USP3: variants seen among roughly 807,000 people sequenced by gnomAD.
USP3 encodes the protein ubiquitin carboxyl-terminal hydrolase 3.
Under a neutral mutation model 72.3 loss-of-function variants are expected in USP3, and 20 were observed. The observed-to-expected ratio is 0.28, with a 90% confidence interval of 0.19 to 0.40. The LOEUF (loss-of-function observed/expected upper bound fraction) is 0.40. USP3 is among the 10% of genes least tolerant of loss of function. The pLI is 1.00. For missense variants in USP3, 479 were observed against 633.9 expected, an observed-to-expected ratio of 0.76 and a Z score of 2.62; for synonymous variants, 222 against 225.3, an observed-to-expected ratio of 0.99 and a Z score of 0.13.
intron 9 of USP3, among the ~76,000 whole-genome samples, chr15:63,573,449 T>G (rs1384485456): frequency 6.6e-6 from 1 of 152,222 alleles, no homozygotes; most frequent in Non-Finnish European, 1.5e-5. Flanking sequence ...TTTGCAATAT[T>G]AAGTGAGCTT....
chr15:63,578,618 A>AAG (rs2066905149), intron 11 of USP3, among the ~76,000 whole-genome samples: 1 of 150,922 alleles, frequency 6.6e-6, no homozygotes, highest in African/African-American at 2.4e-5. Flanking sequence ...TCTCAGAAAA[A>AAG]AAAAAAAAAA....
chr15:63,545,982 A>AAC (rs1211971488), intron 3 of USP3, among the ~76,000 whole-genome samples: 6 of 151,148 alleles, frequency 4.0e-5, no homozygotes, highest in Non-Finnish European at 8.9e-5. Context: ...AAAAAAAAAA[A>AAC]AAAAAAAAAA....
At chr15:63,578,375 C>T (rs548672987) in intron 11 of USP3, among the ~76,000 whole-genome samples, 2 of 151,588 alleles carry the variant, frequency 1.3e-5, no homozygotes, top group African/African-American at 2.4e-5. Flanking sequence ...GAGGCCGAGG[C>T]GGGTGGATCA....
At position 63,592,994 on chromosome 15, in the gene USP3, A is replaced by G. The variant is rs2067232616; in HGVS notation, c.*2168A>G. On this transcript the variant is annotated 3_prime_UTR_variant, in exon 15 of 15. Transcript: ENST00000380324. ...TGGCCCCTAGCCACATGTGACTGAA[A>G]TTTAAATTAGAAACTCAGTGCCTTC... The G allele has an allele frequency of 1.3e-5, 2 of 152,170 alleles. No individual in the cohort carries two copies. The highest frequency in any genetic ancestry group is 1.3e-4 in the Admixed American group (2 of 15,286). 9.4% of individuals were successfully genotyped at this position (152,170 alleles called of 1,614,324 possible).
Position 63,553,889 on chromosome 15 carries a change from T to A in USP3, c.368+91T>A. 1.1e-6 allele frequency: 1 copy of A among 929,764 alleles called. No individual in the cohort carries two copies. Among genetic ancestry groups the A allele is most frequent in the Non-Finnish European group, 1.6e-6 (1 of 618,668 alleles). The allele number at this position is 929,764 out of a possible 1,614,324, so 57.6% of individuals were successfully genotyped here. On this transcript the variant is annotated intron_variant, in intron 4 of 14. Coordinates refer to ENST00000380324, the MANE Select transcript of USP3 (RefSeq NM_006537.4). This position sits in a 1 kb window ranked among gnomAD's most constrained non-coding sequence, Gnocchi z 4.2. ...TGAGTGGGGTTTTTGTTGATGAGTT[T>A]AATAACTTCATGTTTATAATATGAT...
intron 1 of USP3, among the ~76,000 whole-genome samples, chr15:63,519,893 T>C (rs937492981): frequency 1.3e-5 from 2 of 152,188 alleles, no homozygotes; most frequent in African/African-American, 4.8e-5. Context: ...CTCATCATTA[T>C]TTATTTTGAG....
chr15:63,552,686 T>A (rs2152669476), intron 3 of USP3, among the ~76,000 whole-genome samples: 1 of 152,268 alleles, frequency 6.6e-6, no homozygotes, highest in Admixed American at 6.5e-5. Flanking sequence ...ACAAGCATGC[T>A]TTTTTGTGTA....
intron 4 of USP3, among the ~76,000 whole-genome samples, chr15:63,554,497 G>A (rs2066480174): frequency 6.6e-6 from 1 of 152,162 alleles, no homozygotes; most frequent in South Asian, 2.1e-4. Flanking sequence ...GCATGGCTCT[G>A]GAATGACTGC....
chr15:63,573,715 G>C (rs2066816560), intron 9 of USP3, among the ~76,000 whole-genome samples: 1 of 152,152 alleles, frequency 6.6e-6, no homozygotes, highest in Non-Finnish European at 1.5e-5. Context: ...CCTAACTTGG[G>C]GAGGAAATGG....
At chr15:63,537,872 A>G (rs1266692019) in intron 3 of USP3, among the ~76,000 whole-genome samples, 2 of 151,996 alleles carry the variant, frequency 1.3e-5, no homozygotes, top group Non-Finnish European at 1.5e-5. Flanking sequence ...TTTAGTAGAG[A>G]CGGAGTTTCA....
At chr15:63,522,323 T>G (rs2065931104) in intron 1 of USP3, among the ~76,000 whole-genome samples, 1 of 152,224 alleles carries the variant, frequency 6.6e-6, no homozygotes, top group Admixed American at 6.5e-5. Context: ...GGATTACATA[T>G]GTGTTGAAAT....
chr15:63,531,141 G>A (rs1301779346), intron 1 of USP3, among the ~76,000 whole-genome samples: 1 of 152,188 alleles, frequency 6.6e-6, no homozygotes, highest in African/African-American at 2.4e-5. Flanking sequence ...AAACTGTAGA[G>A]TCCCTCAGGC....
At chr15:63,522,471 A>G (rs1486592012) in intron 1 of USP3, among the ~76,000 whole-genome samples, 1 of 152,234 alleles carries the variant, frequency 6.6e-6, no homozygotes, top group Admixed American at 6.5e-5. Context: ...TTGGGAAAGT[A>G]GGCTAAAGCA....
At position 63,590,974 on chromosome 15, in the gene USP3, A is replaced by G; in HGVS notation, c.*148A>G. The G allele has an allele frequency of 1.1e-6, 1 of 935,460 alleles. No individual in the cohort carries two copies. The highest frequency in any genetic ancestry group is 1.5e-6 in the Non-Finnish European group (1 of 686,552). The allele number at this position is 935,460 out of a possible 1,614,324, so 57.9% of individuals were successfully genotyped here. ...TGTCAATGGTAGTGACTTACTGAAC[A>G]TGGGCACCAACTAATTTTGTTGTTG... On this transcript the variant is annotated 3_prime_UTR_variant, in exon 15 of 15. Transcript: ENST00000380324.
intron 1 of USP3, among the ~76,000 whole-genome samples, chr15:63,515,847 C>A (rs984466322): frequency 2.6e-5 from 4 of 152,186 alleles, no homozygotes; most frequent in African/African-American, 9.7e-5. Flanking sequence ...GTCTTCCTCG[C>A]CTCCACTCTC....
chr15:63,558,866 C>A (rs2152672247), intron 6 of USP3, among the ~76,000 whole-genome samples: 1 of 152,116 alleles, frequency 6.6e-6, no homozygotes, highest in South Asian at 2.1e-4. Context: ...CAAAGCGAGA[C>A]CCTGTCTCAA....
intron 11 of USP3, among the ~76,000 whole-genome samples, chr15:63,578,767 C>G (rs149355523): frequency 6.6e-6 from 1 of 152,054 alleles, no homozygotes; most frequent in East Asian, 1.9e-4. Context: ...AAATATTGCT[C>G]AGATGTCTTC....
Position 63,544,781 on chromosome 15 carries a change from G to A in USP3, c.284+7625G>A, listed in dbSNP as rs1234037853. On this transcript the variant is annotated intron_variant, in intron 3 of 14. Coordinates refer to ENST00000380324, the MANE Select transcript of USP3 (RefSeq NM_006537.4). This position sits in a 1 kb window ranked among gnomAD's most constrained non-coding sequence, Gnocchi z 4.2. ...AAAGCTTAACTCTAAAACTAGAGCA[G>A]GTAACACTGAAGTGAAAGGGAAGAT... 1.4e-6 allele frequency: 1 copy of A among 698,756 alleles called. No individual in the cohort carries two copies. The highest frequency in any genetic ancestry group is 2.7e-5 in the East Asian group (1 of 37,080). 43.3% of individuals were successfully genotyped at this position (698,756 alleles called of 1,614,324 possible).
intron 1 of USP3, among the ~76,000 whole-genome samples, chr15:63,510,940 C>T (rs1443414780): frequency 6.6e-6 from 1 of 152,028 alleles, no homozygotes; most frequent in Non-Finnish European, 1.5e-5. Flanking sequence ...GTTGAATGAA[C>T]TTTGGCTTAG....
Sources: allele counts gnomAD v4.1 joint callset (sites outside exome capture counted in the v4.1 genomes callset), GRCh38; gene constraint gnomAD v4.1.1; non-coding constraint Gnocchi (gnomAD v3.1); transcripts MANE v1.5; gene names NCBI Gene and HGNC (gene_info 2026-07-23, HGNC 2026-07-21).